The following COL19A1 variants were observed in gnomAD, a reference collection of about 807,000 sequenced individuals.
COL19A1 encodes the protein collagen type XIX alpha 1 chain, also known as collagen alpha-1(XIX) chain.
A neutral mutation model predicts 190.2 loss-of-function variants in COL19A1; 159 were observed. That is an observed-to-expected ratio of 0.84 (90% CI 0.73 to 0.95). The LOEUF is 0.95. COL19A1 is among the 40% of genes least tolerant of loss of function. The pLI, the probability that COL19A1 is intolerant of heterozygous loss-of-function variation, is 0.00. For missense variants in COL19A1, 1,418 were observed against 1,431.9 expected (o/e 0.99, Z 0.16); for synonymous variants, 509 against 458.9 (o/e 1.11, Z -1.39).
Position 70,165,957 on chromosome 6 carries a change from C to G in COL19A1, c.2417C>G (p.Pro806Arg). Reference sequence around the variant, plus strand: ...CCCTTGCAGGGCAGCGACGGACCCCCTGGGAAACCCGGACCACCTGGACCA... The same window carrying G: ...CCCTTGCAGGGCAGCGACGGACCCCGTGGGAAACCCGGACCACCTGGACCA... ...AKGEKGSDGPPGKPGPPGPPG... is the reference protein window; with the variant it reads ...AKGEKGSDGPRGKPGPPGPPG... Residue 806 changes from proline (P) to arginine (R), a missense_variant, in exon 37 of 51, where the codon CCT (proline) becomes CGT (arginine). Coordinates refer to ENST00000620364, the MANE Select transcript of COL19A1 (RefSeq NM_001858.6). The G allele has an allele frequency of 6.2e-7, 1 of 1,614,014 alleles. No individual in the cohort carries two copies. The highest frequency in any genetic ancestry group is 1.1e-5 in the South Asian group (1 of 91,080).
chr6:70,101,815 G>A (rs905875384), intron 15 of COL19A1, among the ~76,000 whole-genome samples: 2 of 152,130 alleles, frequency 1.3e-5, no homozygotes, highest in African/African-American at 4.8e-5. Context: ...AACATAAGAT[G>A]ACAGATGTAC....
chr6:70,106,608 T>C (rs1783986408), intron 16 of COL19A1, among the ~76,000 whole-genome samples: 1 of 152,226 alleles, frequency 6.6e-6, no homozygotes, highest in Non-Finnish European at 1.5e-5. Context: ...AATGAAACTA[T>C]TCTTAATCAG....
intron 6 of COL19A1, among the ~76,000 whole-genome samples, chr6:69,930,418 G>A (rs1267376302): frequency 6.6e-6 from 1 of 152,076 alleles, no homozygotes; most frequent in Non-Finnish European, 1.5e-5. Context: ...ACAGTTTATA[G>A]TTTATTTCTT....
At chr6:69,885,098 A>G (rs547712585) in intron 2 of COL19A1, among the ~76,000 whole-genome samples, 1 of 152,278 alleles carries the variant, frequency 6.6e-6, no homozygotes, top group Non-Finnish European at 1.5e-5. Flanking sequence ...TCCTGACCTC[A>G]AATGATCCAC....
intron 12 of COL19A1, among the ~76,000 whole-genome samples, chr6:70,026,363 A>G (rs563718547): frequency 9.2e-5 from 14 of 152,216 alleles, no homozygotes; most frequent in Non-Finnish European, 7.3e-5. Flanking sequence ...AGGCCTAGTG[A>G]GCAGTGTGAA....
chr6:70,107,472 C>T (rs909894311), intron 16 of COL19A1, among the ~76,000 whole-genome samples: 1 of 152,124 alleles, frequency 6.6e-6, no homozygotes, highest in Non-Finnish European at 1.5e-5. Context: ...GCTACAAGAG[C>T]CCAATGTCAT....
At chr6:70,079,627 G>C (rs1043076961) in intron 15 of COL19A1, among the ~76,000 whole-genome samples, 1 of 152,170 alleles carries the variant, frequency 6.6e-6, no homozygotes, top group Admixed American at 6.5e-5. Flanking sequence ...TTCTTCAGAG[G>C]TATCGGAGGA....
intron 48 of COL19A1, among the ~76,000 whole-genome samples, chr6:70,194,709 C>A (rs1767083286): frequency 6.6e-6 from 1 of 152,122 alleles, no homozygotes; most frequent in Non-Finnish European, 1.5e-5. Context: ...CTTGCTATTA[C>A]ACTGTCCTAT....
chr6:70,066,364 C>A (rs1372849959), intron 14 of COL19A1, among the ~76,000 whole-genome samples: 2 of 152,062 alleles, frequency 1.3e-5, no homozygotes, highest in Non-Finnish European at 2.9e-5. Flanking sequence ...AAAACAAACA[C>A]CACATGTTCT....
intron 9 of COL19A1, among the ~76,000 whole-genome samples, chr6:69,951,322 A>C (rs867541325): frequency 2.6e-5 from 4 of 151,944 alleles, no homozygotes; most frequent in Non-Finnish European, 5.9e-5. Context: ...GGATTAAATA[A>C]GATTATTCAT....
rs76396264 is a variant in COL19A1 at position 70,067,362 on chromosome 6, G to A, written c.1171-1061G>A. On this transcript the variant is annotated intron_variant, in intron 14 of 50. Transcript: ENST00000620364. ...TTTTGTAACTGTATGTGAGAGAGAA[G>A]TTTAAGAGAGTTGAATGTGGAGAAT... Among the ~76,000 whole-genome samples the A allele has an allele frequency of 6.3e-4, 96 of 152,228 alleles. 1 individual carries two copies. In the East Asian group the frequency reaches 0.016, roughly 25 times the overall value.
chr6:69,869,139 A>G (rs1018507484), intron 1 of COL19A1, among the ~76,000 whole-genome samples: 25 of 152,266 alleles, frequency 1.6e-4, no homozygotes, highest in African/African-American at 4.6e-4. Context: ...CTAGCTTAGC[A>G]GAAGAGATCC....
At chr6:70,134,966 CCG>C (rs1785754466) in intron 18 of COL19A1, among the ~76,000 whole-genome samples, 1 of 138,554 alleles carries the variant, frequency 7.2e-6, no homozygotes, top group Non-Finnish European at 1.6e-5. Flanking sequence ...ATCGAAAGCC[CCG>C]TGTTGTTTTA....
At chr6:69,971,160 G>T (rs1182124158) in intron 11 of COL19A1, among the ~76,000 whole-genome samples, 3 of 152,130 alleles carry the variant, frequency 2.0e-5, no homozygotes, top group Non-Finnish European at 2.9e-5. Flanking sequence ...AGAGAAATAA[G>T]AGGAGAATAA....
intron 14 of COL19A1, among the ~76,000 whole-genome samples, chr6:70,042,133 A>ACTT (rs565724524): frequency 8.3e-4 from 126 of 152,314 alleles, no homozygotes; most frequent in Middle Eastern, 3.4e-3. Flanking sequence ...TGCCTAGCAG[A>ACTT]GATGGGGTGG....
chr6:69,886,352 G>T (rs992504431), intron 2 of COL19A1, among the ~76,000 whole-genome samples: 5 of 152,164 alleles, frequency 3.3e-5, no homozygotes, highest in Admixed American at 3.3e-4. Flanking sequence ...AGGATATGGA[G>T]AAAAGAGAAC....
In COL19A1 at chr6:70,209,668, C is replaced by T. The variant is rs953733290; in HGVS notation, c.*2394C>T. On this transcript the variant is annotated 3_prime_UTR_variant, in exon 51 of 51. Transcript: ENST00000620364. ...TGTGTGATGCATATTACAAAGTGGACTTGTCACAATGACACAAACTCATTT... is the reference window on the plus strand; with the variant it reads ...TGTGTGATGCATATTACAAAGTGGATTTGTCACAATGACACAAACTCATTT... 4 of 152,114 alleles carry T rather than the reference C, an allele frequency of 2.6e-5. No individual in the cohort carries two copies. Among genetic ancestry groups the T allele is most frequent in the African/African-American group, 9.7e-5 (4 of 41,412 alleles). 9.4% of individuals were successfully genotyped at this position (152,114 alleles called of 1,614,324 possible).
intron 11 of COL19A1, among the ~76,000 whole-genome samples, chr6:70,009,726 A>G (rs1383840060): frequency 4.3e-5 from 6 of 138,098 alleles, no homozygotes. Context: ...GTGTGGCATC[A>G]GCTTAAAGAT....
At position 70,207,804 on chromosome 6, in the gene COL19A1, C is replaced by A. The variant is rs1404411312; in HGVS notation, c.*530C>A. On this transcript the variant is annotated 3_prime_UTR_variant, in exon 51 of 51. Coordinates refer to ENST00000620364, the MANE Select transcript of COL19A1 (RefSeq NM_001858.6). ...TTAAGAATTTTTATACCATCTACAT[C>A]TATCCTACTTATGCAGAAAAATAGG... The A allele has an allele frequency of 6.6e-6, 1 of 152,070 alleles. No homozygotes were observed. Among genetic ancestry groups the A allele is most frequent in the Non-Finnish European group, 1.5e-5 (1 of 68,012 alleles). 9.4% of individuals were successfully genotyped at this position (152,070 alleles called of 1,614,324 possible). A position where few individuals can be genotyped will look rare whatever the true frequency, so the allele number is the denominator to read the frequency against.
Sources: allele counts gnomAD v4.1 joint callset (sites outside exome capture counted in the v4.1 genomes callset), GRCh38; gene constraint gnomAD v4.1.1; transcripts MANE v1.5; gene names NCBI Gene and HGNC (gene_info 2026-07-23, HGNC 2026-07-21).